Variants in CORO2A observed in about 807,000 individuals in gnomAD.
CORO2A encodes the protein coronin-2A.
A neutral mutation model predicts 62.4 loss-of-function variants in CORO2A; 47 were observed. That is an observed-to-expected ratio of 0.75 (90% CI 0.60 to 0.96). The LOEUF (loss-of-function observed/expected upper bound fraction) is 0.96. Ranked by LOEUF, CORO2A falls within the 40% of genes least tolerant of loss-of-function variation. The pLI is 0.00. For missense variants in CORO2A, 610 were observed against 684.1 expected, an observed-to-expected ratio of 0.89 and a Z score of 1.21; for synonymous variants, 273 against 268.9, an observed-to-expected ratio of 1.02 and a Z score of -0.15.
At chr9:98,139,016 C>T (rs1278105500) in intron 2 of CORO2A, among the ~76,000 whole-genome samples, 1 of 142,224 alleles carries the variant, frequency 7.0e-6, no homozygotes, top group Non-Finnish European at 1.5e-5. Context: ...CACTGCACTA[C>T]AGCCTGGCGA....
At chr9:98,169,620 CCT>C (rs1828006710) in intron 1 of CORO2A, among the ~76,000 whole-genome samples, 2 of 152,164 alleles carry the variant, frequency 1.3e-5, no homozygotes, top group African/African-American at 4.8e-5. Flanking sequence ...CTACGTTCCC[CCT>C]GAGTCTTTGA....
At chr9:98,174,150 A>C (rs1342142498) in intron 1 of CORO2A, among the ~76,000 whole-genome samples, 4 of 145,638 alleles carry the variant, frequency 2.7e-5, no homozygotes, top group Admixed American at 6.8e-5. Flanking sequence ...AAAAAAAAAA[A>C]ACCAAAGAGC....
chr9:98,151,814 AT>A (rs747501901), intron 2 of CORO2A, among the ~76,000 whole-genome samples: 1,216 of 115,460 alleles, frequency 0.011, 2 homozygotes, highest in African/African-American at 0.014. Context: ...TGCCCGGCTA[AT>A]TTTTTTTTTT....
At chr9:98,174,438 A>G (rs1392873304) in intron 1 of CORO2A, among the ~76,000 whole-genome samples, 1 of 152,248 alleles carries the variant, frequency 6.6e-6, no homozygotes, top group Non-Finnish European at 1.5e-5. Flanking sequence ...TCATTGACAC[A>G]TGTAAACAAA....
At position 98,129,902 on chromosome 9, in the gene CORO2A, G is replaced by GAGA. The variant is rs1827381122; in HGVS notation, c.871-15_871-13dup. On this transcript the variant is annotated splice_polypyrimidine_tract_variant and intron_variant, in intron 7 of 11. Transcript: ENST00000375077. The stretch of plus-strand genomic sequence containing the variant: ...ATGTTGCCATCTCCCTGAGGAGGAG[G>GAGA]AGAAGGAAGAGGAGGGTGAGATTCA... 11 of 1,601,808 alleles carry GAGA rather than the reference G, an allele frequency of 6.9e-6. No individual in the cohort carries two copies. The highest frequency in any genetic ancestry group is 5.1e-6 in the Non-Finnish European group (6 of 1,169,300).
At chr9:98,150,220 A>G (rs1440758733) in intron 2 of CORO2A, among the ~76,000 whole-genome samples, 1 of 152,026 alleles carries the variant, frequency 6.6e-6, no homozygotes, top group Non-Finnish European at 1.5e-5. Flanking sequence ...TGTTAGCCAC[A>G]GCGCCTGGCT....
Position 98,134,865 on chromosome 9 carries a change from G to C in CORO2A, c.409C>G (p.Leu137Val), listed in dbSNP as rs1391323425. The C allele has an allele frequency of 2.5e-6, 4 of 1,614,030 alleles. No individual in the cohort carries two copies. In the South Asian group the frequency reaches 4.4e-5, roughly 18 times the overall value. ...ELVGHARRVG[L>V]VEWHPTAANI... ...GCGGCCGTGGGGTGCCACTCCACCAGGCCTACTCTGCGCGCGTGGCCCACG... is the reference window on the plus strand; with the variant it reads ...GCGGCCGTGGGGTGCCACTCCACCACGCCTACTCTGCGCGCGTGGCCCACG... Residue 137 changes from leucine (L) to valine (V), a missense_variant, in exon 4 of 12, where the codon CTG (leucine) becomes GTG (valine). Coordinates refer to ENST00000375077, the MANE Select transcript of CORO2A (RefSeq NM_052820.4).
chr9:98,128,062 G>T, intron 10 of CORO2A, 108 bp downstream of exon 10: 1 of 839,138 alleles, frequency 1.2e-6, no homozygotes, highest in Non-Finnish European at 2.0e-6. Flanking sequence ...GGCTTCTGAG[G>T]TCATGAGAGA....
intron 3 of CORO2A, among the ~76,000 whole-genome samples, chr9:98,135,326 C>T (rs1827471045): frequency 6.6e-6 from 1 of 152,172 alleles, no homozygotes; most frequent in Non-Finnish European, 1.5e-5. Flanking sequence ...TTCTTCTTGT[C>T]CCAAAGACCC....
rs944251078 is a variant in CORO2A at position 98,123,953 on chromosome 9, C to A, written c.*821G>T. The A allele has an allele frequency of 1.3e-5, 2 of 150,500 alleles. No individual in the cohort carries two copies. The highest frequency in any genetic ancestry group is 2.1e-4 in the South Asian group (1 of 4,762). The allele number at this position is 150,500 out of a possible 1,614,324, so 9.3% of individuals were successfully genotyped here. ...TATAGGCGTGAACCACCACGCCCTG[C>A]CTAATTTTTGTATTTTTAGTAGAGA... On this transcript the variant is annotated 3_prime_UTR_variant, in exon 12 of 12. Coordinates refer to ENST00000375077, the MANE Select transcript of CORO2A (RefSeq NM_052820.4).
At chr9:98,151,814 A>ATTT (rs747501901) in intron 2 of CORO2A, among the ~76,000 whole-genome samples, 1 of 115,474 alleles carries the variant, frequency 8.7e-6, no homozygotes, top group Non-Finnish European at 1.8e-5. Flanking sequence ...TGCCCGGCTA[A>ATTT]TTTTTTTTTT....
chr9:98,133,047 G>T lies in CORO2A; in HGVS notation c.639C>A (p.Thr213=). 6.2e-7 allele frequency: 1 copy of T among 1,614,224 alleles called. No homozygotes were observed. Among genetic ancestry groups the T allele is most frequent in the East Asian group, 2.2e-5 (1 of 44,876 alleles). Residue 213 remains threonine (T), a synonymous_variant, in exon 5 of 12, where the codon ACC becomes ACA. Coordinates refer to ENST00000375077, the MANE Select transcript of CORO2A (RefSeq NM_052820.4). The stretch of plus-strand genomic sequence containing the variant: ...CTGGCCCAGAACTGACCTGGAGGAC[G>T]GTCCCTGCTCGGGGGTCAATAACCC... ...KIRVIDPRAG[T]VLQEASYKGH...
intron 1 of CORO2A, among the ~76,000 whole-genome samples, chr9:98,169,554 C>G (rs1204877925): frequency 6.6e-6 from 1 of 152,086 alleles, no homozygotes; most frequent in South Asian, 2.1e-4. Flanking sequence ...AAATGCACCC[C>G]GGGTCCCCTC....
chr9:98,130,507 A>G (rs1827389172), intron 7 of CORO2A, among the ~76,000 whole-genome samples: 1 of 152,230 alleles, frequency 6.6e-6, no homozygotes, highest in Non-Finnish European at 1.5e-5. Flanking sequence ...GAGCAGCAGC[A>G]AAAGTCAGAA....
At chr9:98,153,289 C>T (rs763660607) in intron 2 of CORO2A, among the ~76,000 whole-genome samples, 4 of 151,994 alleles carry the variant, frequency 2.6e-5, no homozygotes, top group South Asian at 2.1e-4. Flanking sequence ...TTAGTAGAGA[C>T]GGAGTTTCAC....
At chr9:98,124,950 C>T (rs1487891585) in intron 11 of CORO2A, 45 bp from the exon 12 acceptor site, 1 of 1,547,488 alleles carries the variant, frequency 6.5e-7, no homozygotes, top group South Asian at 1.2e-5. Context: ...GGTGTCAGGA[C>T]ACCAGCTGAA....
At chr9:98,191,663 T>C (rs1342600206) in intron 1 of CORO2A, among the ~76,000 whole-genome samples, 1 of 152,168 alleles carries the variant, frequency 6.6e-6, no homozygotes, top group Non-Finnish European at 1.5e-5. Context: ...CCAGATGCCA[T>C]AGGTCTTCTT....
At chr9:98,173,364 G>A (rs1223386101) in intron 1 of CORO2A, among the ~76,000 whole-genome samples, 1 of 152,196 alleles carries the variant, frequency 6.6e-6, no homozygotes, top group African/African-American at 2.4e-5. Context: ...GGGCGCGGAG[G>A]ATTATCTCCA....
chr9:98,159,192 A>G (rs1416132055), intron 1 of CORO2A, among the ~76,000 whole-genome samples: 1 of 152,132 alleles, frequency 6.6e-6, no homozygotes, highest in African/African-American at 2.4e-5. Context: ...CCAAGTAGCT[A>G]GGACTACAGG....
Sources: gnomAD v4.1 joint callset for allele counts (sites outside exome capture counted in the v4.1 genomes callset) on GRCh38, gnomAD v4.1.1 for gene constraint, MANE v1.5 for transcripts, NCBI Gene and HGNC (gene_info 2026-07-23, HGNC 2026-07-21) for gene names.